Variants in NRXN1 observed in about 807,000 individuals in gnomAD.
The protein encoded by NRXN1 is neurexin-1.
In NRXN1, 39 loss-of-function variants were observed where a neutral mutation model predicts 150.9. The ratio of observed to expected loss-of-function variants is 0.26; its 90% confidence interval spans 0.20 to 0.34. NRXN1 has a LOEUF of 0.34. NRXN1 is among the 10% of genes least tolerant of loss of function. The probability of loss-of-function intolerance (pLI) is 1.00; values close to 1 mark genes in which losing one functional copy is unlikely to be tolerated. For synonymous variants in NRXN1, 924 were observed against 757.0 expected (o/e 1.22, Z -3.62); for missense variants, 1,815 against 1,949.9 (o/e 0.93, Z 1.30).
chr2:50,682,206 A>T (rs2104806935), intron 5 of NRXN1, among the ~76,000 whole-genome samples: 1 of 152,280 alleles, frequency 6.6e-6, no homozygotes, highest in Middle Eastern at 3.4e-3. Flanking sequence ...ACTGGGTGAG[A>T]CTATGTAGAT....
In NRXN1 at chr2:50,472,481, G is replaced by A. The variant is rs398123573; in HGVS notation, c.3071-10C>T. 1.2e-5 allele frequency: 19 copies of A among 1,606,048 alleles called. No individual in the cohort carries two copies. The highest frequency in any genetic ancestry group is 6.7e-5 in the Admixed American group (4 of 59,454). On this transcript the variant is annotated splice_polypyrimidine_tract_variant and intron_variant, in intron 15 of 22. Coordinates refer to ENST00000401669, the MANE Select transcript of NRXN1 (RefSeq NM_001330078.2). ...CCTATATATAAGTCACCTGCAAGAA[G>A]ATCAAAGTCTTTGTTACAAAAGTAC...
chr2:49,936,998 T>C (rs1359769807), intron 22 of NRXN1, among the ~76,000 whole-genome samples: 4 of 152,194 alleles, frequency 2.6e-5, no homozygotes. Flanking sequence ...CTTCCATTTC[T>C]TAGGGCATTT....
At chr2:51,023,569 G>A (rs556610528) in intron 2 of NRXN1, among the ~76,000 whole-genome samples, 17 of 152,224 alleles carry the variant, frequency 1.1e-4, no homozygotes, top group Middle Eastern at 3.4e-3. Flanking sequence ...ACTATTTTAA[G>A]TTTTCATAGT....
At chr2:50,146,406 T>C (rs1473743676) in intron 18 of NRXN1, among the ~76,000 whole-genome samples, 1 of 151,706 alleles carries the variant, frequency 6.6e-6, no homozygotes, top group Non-Finnish European at 1.5e-5. Flanking sequence ...CTATTCACAA[T>C]AGCAAAGACT....
chr2:50,584,463 T>G (rs1672778784), intron 8 of NRXN1, among the ~76,000 whole-genome samples: 1 of 152,216 alleles, frequency 6.6e-6, no homozygotes, highest in Non-Finnish European at 1.5e-5. Context: ...AAAGTTCTAT[T>G]TATTCCCTAC....
intron 21 of NRXN1, among the ~76,000 whole-genome samples, chr2:49,964,957 G>A (rs528095072): frequency 6.6e-6 from 1 of 152,266 alleles, no homozygotes; most frequent in South Asian, 2.1e-4. Flanking sequence ...TGCAATATCA[G>A]ATCACTGCAA....
chr2:50,633,575 G>C (rs187415854), intron 5 of NRXN1, among the ~76,000 whole-genome samples: 215 of 151,528 alleles, frequency 1.4e-3, no homozygotes, highest in Non-Finnish European at 2.4e-3. Flanking sequence ...CAAAGAAGTA[G>C]GTCAGTATAC....
chr2:50,816,518 T>C (rs1480375360), intron 5 of NRXN1, among the ~76,000 whole-genome samples: 2 of 152,136 alleles, frequency 1.3e-5, no homozygotes, highest in Non-Finnish European at 2.9e-5. Flanking sequence ...AAACTTGACA[T>C]GGTTAAAAAG....
At chr2:50,123,374 T>C (rs182894498) in intron 18 of NRXN1, among the ~76,000 whole-genome samples, 104 of 152,214 alleles carry the variant, frequency 6.8e-4, no homozygotes, top group Middle Eastern at 3.4e-3. Context: ...AAAGACTACA[T>C]AGAAAGGCTT....
At chr2:50,238,794 C>A (rs183913218) in intron 17 of NRXN1, among the ~76,000 whole-genome samples, 2 of 152,044 alleles carry the variant, frequency 1.3e-5, no homozygotes, top group African/African-American at 4.8e-5. Context: ...GCCTATTGTA[C>A]CTGATGCTTA....
rs1169668668 is a variant in NRXN1, at chr2:50,054,985, G to T, written c.3778C>A (p.Arg1260=). The change falls in exon 20 of 23, where the codon CGA becomes AGA. Residue 1260 remains arginine (R), a synonymous_variant. Coordinates refer to ENST00000401669, the MANE Select transcript of NRXN1 (RefSeq NM_001330078.2). ...TCGAGTAGCCATTCATCAACTACTC[G>T]ACCAAGTCGATATGGAATTCGCTGT... The part of the protein sequence containing the change: ...ARQRIPYRLG[R]VVDEWLLDKG... 1 of 1,593,052 alleles carries T rather than the reference G, an allele frequency of 6.3e-7. No individual in the cohort carries two copies. The highest frequency in any genetic ancestry group is 8.5e-7 in the Non-Finnish European group (1 of 1,171,864).
chr2:50,329,213 C>A (rs1048225677), intron 17 of NRXN1, among the ~76,000 whole-genome samples: 1 of 151,988 alleles, frequency 6.6e-6, no homozygotes, highest in African/African-American at 2.4e-5. Flanking sequence ...TCTTGCAAAT[C>A]AATGTGAATA....
chr2:50,054,457 T>A (rs1469697656), intron 20 of NRXN1, among the ~76,000 whole-genome samples: 1 of 152,174 alleles, frequency 6.6e-6, no homozygotes, highest in Non-Finnish European at 1.5e-5. Context: ...TGTTCCCAAA[T>A]CCTCTTAGAA....
intron 5 of NRXN1, among the ~76,000 whole-genome samples, chr2:50,690,415 G>A (rs1691905099): frequency 6.6e-6 from 1 of 152,160 alleles, no homozygotes; most frequent in Non-Finnish European, 1.5e-5. Context: ...TTTATGTACA[G>A]AATGAAAACC....
rs930070393 is a variant in NRXN1, at chr2:50,507,678, A to G, written c.2375-1061T>C. Reference sequence around the variant, plus strand: ...AAAAGCAAGGGAAAATGCTTTTAACATAACCAGATATTTTTATTTAAAAAA... The same window carrying G: ...AAAAGCAAGGGAAAATGCTTTTAACGTAACCAGATATTTTTATTTAAAAAA... On this transcript the variant is annotated intron_variant, in intron 12 of 22. Transcript: ENST00000401669. 2.0e-5 allele frequency among the ~76,000 whole-genome samples: 3 copies of G among 151,638 alleles called. No homozygotes were observed. In the South Asian group the frequency reaches 6.2e-4, roughly 31 times the overall value.
rs200940287 is a variant in NRXN1, at chr2:50,614,663, T to TAA, written c.1320+5357_1320+5358dup. 3.4e-4 allele frequency among the ~76,000 whole-genome samples: 26 copies of TAA among 75,976 alleles called. 1 individual carries two copies. The highest frequency in any genetic ancestry group is 4.5e-4 in the Non-Finnish European group (17 of 37,996). 49.8% of individuals were successfully genotyped at this position (75,976 alleles called of 152,430 possible). ...AAAATATATATATATATATATAAAA[T>TAA]AAAAAAAAAACAGAATATCCCCTTT... On this transcript the variant is annotated intron_variant, in intron 8 of 22. Coordinates refer to ENST00000401669, the MANE Select transcript of NRXN1 (RefSeq NM_001330078.2).
chr2:50,444,423 G>A (rs1044048604), intron 17 of NRXN1, among the ~76,000 whole-genome samples: 9 of 152,192 alleles, frequency 5.9e-5, no homozygotes, highest in Admixed American at 2.6e-4. Context: ...CCATAATGGC[G>A]TCATATACTC....
rs556793562 is a variant in NRXN1, at chr2:50,470,419, A to G, written c.3244+1879T>C. Among the ~76,000 whole-genome samples the G allele has an allele frequency of 5.9e-5, 9 of 151,930 alleles. No homozygotes were observed. The South Asian group carries it at 1.2e-3, about 21-fold the overall frequency. The stretch of plus-strand genomic sequence containing the variant: ...ACTAATAACATTAAAAATGAACTCA[A>G]CAACACCTTCCATTACTAACCTTAT... On this transcript the variant is annotated intron_variant, in intron 16 of 22. Transcript: ENST00000401669.
intron 2 of NRXN1, among the ~76,000 whole-genome samples, chr2:50,963,792 T>C (rs556778234): frequency 1.3e-5 from 2 of 151,754 alleles, no homozygotes; most frequent in Non-Finnish European, 1.5e-5. Context: ...CTAAGGAAAG[T>C]TGTGTTTGAA....
Sources: allele counts gnomAD v4.1 joint callset (sites outside exome capture counted in the v4.1 genomes callset), GRCh38; gene constraint gnomAD v4.1.1; transcripts MANE v1.5; gene names NCBI Gene and HGNC (gene_info 2026-07-23, HGNC 2026-07-21).